The following CNTN3 variants were observed in gnomAD, a reference collection of about 807,000 sequenced individuals.
CNTN3 encodes contactin 3, also known as contactin-3.
Under a neutral mutation model 119.1 loss-of-function variants are expected in CNTN3, and 60 were observed. That is an observed-to-expected ratio of 0.50 (90% CI 0.41 to 0.62). The LOEUF (loss-of-function observed/expected upper bound fraction) is 0.62. Ranked by LOEUF, CNTN3 falls within the 20% of genes least tolerant of loss-of-function variation. CNTN3 has a pLI of 0.00. For synonymous variants in CNTN3, 450 were observed against 438.7 expected, an observed-to-expected ratio of 1.03 and a Z score of -0.32; for missense variants, 1,101 against 1,242.4, an observed-to-expected ratio of 0.89 and a Z score of 1.71.
chr3:74,300,711 G>A (rs1322979860), intron 16 of CNTN3, among the ~76,000 whole-genome samples: 2 of 152,142 alleles, frequency 1.3e-5, no homozygotes, highest in Non-Finnish European at 1.5e-5. Flanking sequence ...AGTTCCTAAA[G>A]TGATACACCA....
At chr3:74,607,568 C>T (rs1208948237) in intron 1 of CNTN3, among the ~76,000 whole-genome samples, 5 of 152,138 alleles carry the variant, frequency 3.3e-5, no homozygotes, top group East Asian at 1.9e-4. Context: ...ACTTTTCAAA[C>T]GTAGCATGGG....
chr3:74,359,807 C>T (rs1704039752), intron 11 of CNTN3, among the ~76,000 whole-genome samples: 1 of 150,650 alleles, frequency 6.6e-6, no homozygotes, highest in East Asian at 1.9e-4. Flanking sequence ...GAAATAATCT[C>T]TATTTAATTC....
chr3:74,389,594 C>T (rs568792393), intron 5 of CNTN3, among the ~76,000 whole-genome samples: 3 of 151,984 alleles, frequency 2.0e-5, no homozygotes, highest in Non-Finnish European at 2.9e-5. Context: ...TACTGCACAC[C>T]GACATCTCTT....
intron 5 of CNTN3, among the ~76,000 whole-genome samples, chr3:74,389,979 A>C (rs1411669151): frequency 6.6e-6 from 1 of 152,202 alleles, no homozygotes; most frequent in Non-Finnish European, 1.5e-5. Flanking sequence ...GCATGGTGAT[A>C]ATTTGTAGGA....
intron 4 of CNTN3, among the ~76,000 whole-genome samples, chr3:74,429,955 T>C (rs1217977075): frequency 2.6e-5 from 4 of 152,142 alleles, no homozygotes; most frequent in Middle Eastern, 3.4e-3. Context: ...CCTACCAAAA[T>C]ACCTAAAAAC....
chr3:74,343,662 T>G (rs1219430754), intron 11 of CNTN3, among the ~76,000 whole-genome samples: 1 of 152,224 alleles, frequency 6.6e-6, no homozygotes. Flanking sequence ...GCAGTCTTGG[T>G]AGGGCTATGA....
intron 13 of CNTN3, among the ~76,000 whole-genome samples, chr3:74,323,219 A>C (rs1703037901): frequency 6.6e-6 from 1 of 152,152 alleles, no homozygotes; most frequent in African/African-American, 2.4e-5. Context: ...CTGATAGTTG[A>C]GGAGGGTGTG....
At chr3:74,401,514 A>ACG (rs1240664759) in intron 5 of CNTN3, among the ~76,000 whole-genome samples, 2 of 150,452 alleles carry the variant, frequency 1.3e-5, no homozygotes, top group African/African-American at 2.5e-5. Flanking sequence ...ACACGCGCGC[A>ACG]CGCACACACA....
chr3:74,600,566 GA>G (rs1425132498), intron 1 of CNTN3, among the ~76,000 whole-genome samples: 3 of 152,024 alleles, frequency 2.0e-5, no homozygotes, highest in Non-Finnish European at 4.4e-5. Context: ...TTTTTTGAAT[GA>G]AAGTTAAAAG....
intron 5 of CNTN3, among the ~76,000 whole-genome samples, chr3:74,376,204 C>A (rs1704471314): frequency 6.6e-6 from 1 of 152,174 alleles, no homozygotes; most frequent in Non-Finnish European, 1.5e-5. Context: ...ATCCACAGAA[C>A]TGTAAGGGAA....
At chr3:74,434,001 A>T (rs1701827817) in intron 4 of CNTN3, among the ~76,000 whole-genome samples, 3 of 152,200 alleles carry the variant, frequency 2.0e-5, no homozygotes, top group African/African-American at 7.2e-5. Context: ...TGAAATAAGC[A>T]TCCATCATCT....
intron 4 of CNTN3, among the ~76,000 whole-genome samples, chr3:74,437,597 C>T (rs1236609342): frequency 6.6e-6 from 1 of 152,198 alleles, no homozygotes; most frequent in East Asian, 1.9e-4. Flanking sequence ...TTTTACAATA[C>T]TAAAGTTTAA....
intron 20 of CNTN3, among the ~76,000 whole-genome samples, chr3:74,282,432 G>C (rs528896599): frequency 6.6e-6 from 1 of 152,144 alleles, no homozygotes; most frequent in African/African-American, 2.4e-5. Flanking sequence ...ATTAATAATA[G>C]TACTTGAGGT....
chr3:74,273,111 C>G (rs2106755091), intron 20 of CNTN3, among the ~76,000 whole-genome samples: 1 of 152,108 alleles, frequency 6.6e-6, no homozygotes, highest in East Asian at 1.9e-4. Flanking sequence ...AAAACCCAGA[C>G]TGGACAATTA....
rs1702420276 is a variant in CNTN3, at chr3:74,299,940, T to C, written c.2096-2A>G. On this transcript the variant is annotated splice_acceptor_variant, in intron 16 of 22. Coordinates refer to ENST00000263665, the MANE Select transcript of CNTN3 (RefSeq NM_020872.3). LOFTEE classifies it high-confidence loss of function. ...CTTCAGAAGGAGGCACTTCTGGAAC[T>C]ATACAGGTCAGAGAAACAGAGATGA... 1 of 1,590,136 alleles carries C rather than the reference T, an allele frequency of 6.3e-7. No homozygotes were observed. The highest frequency in any genetic ancestry group is 1.7e-4 in the Middle Eastern group (1 of 5,992).
chr3:74,424,927 A>C lies in CNTN3; in HGVS notation c.372T>G (p.Phe124Leu), dbSNP rs776691003. Residue 124 changes from phenylalanine (F) to leucine (L), a missense_variant, in exon 5 of 23, where the codon TTT (phenylalanine) becomes TTG (leucine). Coordinates refer to ENST00000263665, the MANE Select transcript of CNTN3 (RefSeq NM_020872.3). ...AKLQFAYLEN[F>L]KTKMRSTVSV... Reference sequence around the variant, plus strand: ...ACACTGTACTCCTCATTTTGGTTTTAAAATTTTCAAGATCTGATTTGAAAA... The same window carrying C: ...ACACTGTACTCCTCATTTTGGTTTTCAAATTTTCAAGATCTGATTTGAAAA... 1.9e-6 allele frequency: 3 copies of C among 1,601,454 alleles called. No individual in the cohort carries two copies. In the Admixed American group the frequency reaches 5.2e-5, roughly 28 times the overall value.
intron 1 of CNTN3, among the ~76,000 whole-genome samples, chr3:74,608,436 T>C (rs891222045): frequency 6.6e-6 from 1 of 152,196 alleles, no homozygotes; most frequent in Non-Finnish European, 1.5e-5. Context: ...TTCACTCCAA[T>C]AAAATAATGA....
At chr3:74,356,162 C>A (rs117714518) in intron 11 of CNTN3, among the ~76,000 whole-genome samples, 4 of 151,998 alleles carry the variant, frequency 2.6e-5, no homozygotes, top group Non-Finnish European at 5.9e-5. Flanking sequence ...AGCAACAAGG[C>A]CCCATCTATG....
chr3:74,579,503 A>G (rs1704470023), intron 1 of CNTN3, among the ~76,000 whole-genome samples: 1 of 152,144 alleles, frequency 6.6e-6, no homozygotes, highest in Non-Finnish European at 1.5e-5. Flanking sequence ...ACATTCACCA[A>G]GACAGATCAT....
Sources: allele counts gnomAD v4.1 joint callset (sites outside exome capture counted in the v4.1 genomes callset), GRCh38; gene constraint gnomAD v4.1.1; transcripts MANE v1.5; gene names NCBI Gene and HGNC (gene_info 2026-07-23, HGNC 2026-07-21).